Variants in NR4A1 observed in about 807,000 individuals in gnomAD.
NR4A1 encodes nuclear receptor subfamily 4 group A member 1.
In NR4A1, 24 loss-of-function variants were observed where a neutral mutation model predicts 47.5. The ratio of observed to expected loss-of-function variants is 0.50; its 90% CI spans 0.37 to 0.71. The LOEUF is 0.71. NR4A1 is among the 30% of genes least tolerant of loss of function. NR4A1 has a pLI of 0.00. For missense variants in NR4A1, 669 were observed against 788.6 expected (o/e 0.85, Z 1.82); for synonymous variants, 353 against 345.7 (o/e 1.02, Z -0.24).
intron 1 of NR4A1, among the ~76,000 whole-genome samples, chr12:52,034,390 T>C (rs1473110630): frequency 3.3e-5 from 5 of 152,184 alleles, no homozygotes; most frequent in Non-Finnish European, 7.4e-5. Context: ...TAGGAGCTTG[T>C]CCTCTAGGAA....
rs773340186 is a variant in NR4A1 at position 52,057,680 on chromosome 12, G to A, written c.1540+150G>A. ...GCCCCGGGCTCATGCCAGCAGTAAAGTAGGGACCATAGGAATTGCAGATGG... is the reference window on the plus strand; with the variant it reads ...GCCCCGGGCTCATGCCAGCAGTAAAATAGGGACCATAGGAATTGCAGATGG... On this transcript the variant is annotated intron_variant, in intron 6 of 6. Transcript: ENST00000394825. 711 of 848,942 alleles carry A rather than the reference G, an allele frequency of 8.4e-4. 1 individual carries two copies. The highest frequency in any genetic ancestry group is 1.1e-3 in the Non-Finnish European group (596 of 558,880). The allele number at this position is 848,942 out of a possible 1,614,324, so 52.6% of individuals were successfully genotyped here.
intron 2 of NR4A1, chr12:52,043,900 A>T (rs1938531953): frequency 7.8e-7 from 1 of 1,289,204 alleles, no homozygotes; most frequent in Non-Finnish European, 1.0e-6. Context: ...GCAGATCGTG[A>T]GGAGGAAGCT....
intron 2 of NR4A1, among the ~76,000 whole-genome samples, chr12:52,044,816 A>G (rs1938571644): frequency 6.6e-6 from 1 of 152,130 alleles, no homozygotes; most frequent in African/African-American, 2.4e-5. Flanking sequence ...CCAGGAGCTG[A>G]AGAGACTGAG....
In NR4A1 at chr12:52,054,310, G is replaced by T. The variant is rs1939127583; in HGVS notation, c.-2-17G>T. 1.9e-6 allele frequency: 3 copies of T among 1,584,136 alleles called. No homozygotes were observed. Among genetic ancestry groups the T allele is most frequent in the African/African-American group, 1.3e-5 (1 of 74,236 alleles). ...ACTGACTCTCCTTTCCCTCCCTGGGGTCTCCTCTCTCTCCAGAGATGCCCT... is the reference window on the plus strand; with the variant it reads ...ACTGACTCTCCTTTCCCTCCCTGGGTTCTCCTCTCTCTCCAGAGATGCCCT... On this transcript the variant is annotated splice_polypyrimidine_tract_variant and intron_variant, in intron 1 of 6. Transcript: ENST00000394825.
At chr12:52,026,432 C>T (rs1332029331) in intron 1 of NR4A1, among the ~76,000 whole-genome samples, 1 of 152,232 alleles carries the variant, frequency 6.6e-6, no homozygotes, top group South Asian at 2.1e-4. Context: ...CAAACATTGT[C>T]TAATTATAGC....
intron 1 of NR4A1, among the ~76,000 whole-genome samples, chr12:52,034,665 C>T (rs959515818): frequency 2.6e-5 from 4 of 152,186 alleles, no homozygotes; most frequent in Admixed American, 2.6e-4. Context: ...AACTCACTAG[C>T]TGAGTGACCT....
intron 6 of NR4A1, 168 bp from the exon 7 acceptor site, chr12:52,058,520 C>T (rs570466981): frequency 9.3e-5 from 83 of 893,862 alleles, no homozygotes; most frequent in Non-Finnish European, 9.9e-6. Context: ...TACTGCTTCT[C>T]AGACTTGTGA....
In NR4A1 at chr12:52,054,923, A is replaced by G; in HGVS notation, c.595A>G (p.Ser199Gly). 1.2e-6 allele frequency: 2 copies of G among 1,614,100 alleles called. No individual in the cohort carries two copies. The highest frequency in any genetic ancestry group is 2.2e-5 in the East Asian group (1 of 44,878). Residue 199 changes from serine to glycine, a missense_variant, in exon 2 of 7, where the codon AGC (serine) becomes GGC (glycine). Physicochemically the swap from Ser to Gly is moderately conservative, Grantham distance 56 (BLOSUM62 0). Coordinates refer to ENST00000394825, the MANE Select transcript of NR4A1 (RefSeq NM_173157.3). ...FFSFSPPTGP[S>G]PSLAQSPLKL... Reference sequence around the variant, plus strand: ...TTCCTTCAGTCCTCCCACCGGCCCCAGCCCCAGCCTGGCCCAGAGCCCCCT... The same window carrying G: ...TTCCTTCAGTCCTCCCACCGGCCCCGGCCCCAGCCTGGCCCAGAGCCCCCT...
At chr12:52,028,227 AAAG>A (rs1592279782) in intron 1 of NR4A1, among the ~76,000 whole-genome samples, 3 of 148,272 alleles carry the variant, frequency 2.0e-5, no homozygotes, top group Non-Finnish European at 3.0e-5. Flanking sequence ...AAAAAAAAAA[AAAG>A]AAGAGAGAAG....
At chr12:52,026,016 T>G (rs1354981750) in intron 1 of NR4A1, among the ~76,000 whole-genome samples, 3 of 152,368 alleles carry the variant, frequency 2.0e-5, no homozygotes, top group East Asian at 3.9e-4. Flanking sequence ...GGGTGCATCA[T>G]CCGGTGTGCT....
At position 52,054,397 on chromosome 12, in the gene NR4A1, C is replaced by T. The variant is rs767982831; in HGVS notation, c.69C>T (p.Ser23=). 36 of 1,613,376 alleles carry T rather than the reference C, an allele frequency of 2.2e-5. No homozygotes were observed. The highest frequency in any genetic ancestry group is 1.5e-4 in the African/African-American group (11 of 74,870). The part of the protein sequence containing the change: ...PSPGPRDHLA[S]DPLTPEFIKP... Reference sequence around the variant, plus strand: ...CGGGACCCCGTGACCACCTGGCAAGCGACCCCCTGACCCCTGAGTTCATCA... The same window carrying T: ...CGGGACCCCGTGACCACCTGGCAAGTGACCCCCTGACCCCTGAGTTCATCA... Residue 23 remains serine, a synonymous_variant, in exon 2 of 7, where the codon AGC becomes AGT. Coordinates refer to ENST00000394825, the MANE Select transcript of NR4A1 (RefSeq NM_173157.3).
rs551240453 is a variant in NR4A1, at chr12:52,046,401, T to C, written c.37+4472T>C. ...TCGGTGAGGGATGGGTCTGAGTACA[T>C]GATAAATCCCTGGGCCCCATAAGAT... is the stretch of plus-strand genomic sequence containing the variant. On this transcript the variant is annotated intron_variant, in intron 2 of 7. Transcript: ENST00000360284. 2.0e-5 allele frequency among the ~76,000 whole-genome samples: 3 copies of C among 152,250 alleles called. No individual in the cohort carries two copies. In the South Asian group the frequency reaches 6.2e-4, roughly 32 times the overall value.
At chr12:52,030,870 T>C (rs1383487561) in intron 1 of NR4A1, among the ~76,000 whole-genome samples, 6 of 152,308 alleles carry the variant, frequency 3.9e-5, no homozygotes, top group African/African-American at 1.4e-4. Flanking sequence ...AGTGCTCCTC[T>C]CGCGCATCCC....
intron 1 of NR4A1, among the ~76,000 whole-genome samples, chr12:52,040,814 CCTT>C (rs1217628813): frequency 6.6e-6 from 1 of 152,220 alleles, no homozygotes; most frequent in Non-Finnish European, 1.5e-5. Context: ...CCCATCATCT[CCTT>C]CTCTTTTCCC....
chr12:52,051,551 G>T lies in NR4A1; in HGVS notation c.-20G>T. ...ACTCGGGGCGCCAGTCCGGGCAGGG[G>T]CAGCGGGAGCCGGCCGGGTAGGTTC... On this transcript the variant is annotated 5_prime_UTR_variant, in exon 1 of 7. Coordinates refer to ENST00000394825, the MANE Select transcript of NR4A1 (RefSeq NM_173157.3). 2 of 986,090 alleles carry T rather than the reference G, an allele frequency of 2.0e-6. No individual in the cohort carries two copies. The highest frequency in any genetic ancestry group is 2.4e-6 in the Non-Finnish European group (2 of 830,426). The allele number at this position is 986,090 out of a possible 1,614,324, so 61.1% of individuals were successfully genotyped here.
chr12:52,057,768 AC>A (rs1237694921), intron 6 of NR4A1, among the ~76,000 whole-genome samples: 33 of 152,202 alleles, frequency 2.2e-4, no homozygotes, highest in African/African-American at 7.7e-4. Flanking sequence ...CAGGATCCAG[AC>A]TGCAGGTGTC....
At chr12:52,029,577 A>T (rs920627783) in intron 1 of NR4A1, among the ~76,000 whole-genome samples, 9 of 152,204 alleles carry the variant, frequency 5.9e-5, no homozygotes, top group Non-Finnish European at 1.2e-4. Flanking sequence ...AGTCCCAGCT[A>T]CTTGGGAGGC....
chr12:52,056,387 G>C, intron 3 of NR4A1, 107 bp from the exon 4 acceptor site: 3 of 1,490,800 alleles, frequency 2.0e-6, no homozygotes, highest in Non-Finnish European at 2.7e-6. Flanking sequence ...GGGACTCTGG[G>C]TCCTAGGGAC....
chr12:52,024,293 T>C (rs1313829444), intron 1 of NR4A1, among the ~76,000 whole-genome samples: 1 of 152,262 alleles, frequency 6.6e-6, no homozygotes, highest in East Asian at 1.9e-4. Context: ...TGGATTGCTT[T>C]CAGCCTTTTT....
Sources: allele counts gnomAD v4.1 joint callset (sites outside exome capture counted in the v4.1 genomes callset), GRCh38; gene constraint gnomAD v4.1.1; transcripts MANE v1.5; gene names NCBI Gene and HGNC (gene_info 2026-07-23, HGNC 2026-07-21).